Variants in RNLS observed in about 807,000 individuals in gnomAD.
RNLS encodes renalase, FAD dependent amine oxidase, also known as renalase.
In RNLS, 39 loss-of-function variants were observed where a neutral mutation model predicts 39.8. The observed-to-expected ratio is 0.98, with a 90% CI of 0.76 to 1.28. The LOEUF (loss-of-function observed/expected upper bound fraction) is 1.28, where lower values mean the gene tolerates loss of function less well. Ranked by LOEUF, RNLS falls within the 50% of genes most tolerant of loss-of-function variation. RNLS has a pLI of 0.00. For synonymous variants in RNLS, 147 were observed against 150.7 expected, an observed-to-expected ratio of 0.98 and a Z score of 0.18; for missense variants, 410 against 413.3, an observed-to-expected ratio of 0.99 and a Z score of 0.07.
chr10:88,471,756 G>T (rs1843541457), intron 4 of RNLS, among the ~76,000 whole-genome samples: 1 of 152,086 alleles, frequency 6.6e-6, no homozygotes. Flanking sequence ...AGGTTTTTGT[G>T]GTCCCCTCCC....
At chr10:88,565,262 T>C (rs1431990359) in intron 4 of RNLS, among the ~76,000 whole-genome samples, 5 of 152,168 alleles carry the variant, frequency 3.3e-5, no homozygotes, top group Non-Finnish European at 7.3e-5. Flanking sequence ...AACTACAATA[T>C]ATATTTCACA....
intron 4 of RNLS, among the ~76,000 whole-genome samples, chr10:88,446,288 C>A (rs1478909274): frequency 6.6e-6 from 1 of 152,032 alleles, no homozygotes. Context: ...CACAACATAC[C>A]AGAATCTCTG....
chr10:88,347,296 G>C (rs754155891), intron 5 of RNLS, among the ~76,000 whole-genome samples: 3 of 152,054 alleles, frequency 2.0e-5, no homozygotes, highest in Non-Finnish European at 4.4e-5. Context: ...CCACAGTAAG[G>C]ACTTAACTTC....
intron 4 of RNLS, among the ~76,000 whole-genome samples, chr10:88,463,577 T>C (rs977504068): frequency 8.6e-5 from 13 of 151,952 alleles, no homozygotes; most frequent in African/African-American, 2.9e-4. Flanking sequence ...TGAAGGATCA[T>C]GGAAATTTTA....
chr10:88,310,720 A>C (rs1845296057), intron 6 of RNLS, among the ~76,000 whole-genome samples: 1 of 145,856 alleles, frequency 6.9e-6, no homozygotes, highest in African/African-American at 2.5e-5. Flanking sequence ...TGAGCTCAGA[A>C]GTTTGAGGCA....
the RNLS span, among the ~76,000 whole-genome samples, chr10:88,184,904 G>T: frequency 6.6e-6 from 1 of 152,100 alleles, no homozygotes; most frequent in Non-Finnish European, 1.5e-5. Context: ...ATGCTCAGAG[G>T]CCGTGGAGAA....
chr10:88,380,147 A>G (rs778120330), intron 4 of RNLS, among the ~76,000 whole-genome samples: 9 of 152,060 alleles, frequency 5.9e-5, no homozygotes, highest in Non-Finnish European at 1.2e-4. Context: ...TTTCATGCTT[A>G]TTGATCATTT....
chr10:88,394,609 G>T (rs1364949810), intron 4 of RNLS, among the ~76,000 whole-genome samples: 2 of 152,160 alleles, frequency 1.3e-5, no homozygotes, highest in African/African-American at 4.8e-5. Flanking sequence ...CTGTAAACTA[G>T]TTCAACCATT....
At position 88,452,183 on chromosome 10, in the gene RNLS, GAGAC is replaced by G. The variant is rs1164837886; in HGVS notation, c.527-89462_527-89459del. Among the ~76,000 whole-genome samples, 16 of 152,294 alleles carry G rather than the reference GAGAC, an allele frequency of 1.1e-4. No homozygotes were observed. The East Asian group carries it at 3.1e-3, about 29-fold the overall frequency. On this transcript the variant is annotated intron_variant, in intron 4 of 6. Coordinates refer to ENST00000331772, the MANE Select transcript of RNLS (RefSeq NM_001031709.3). ...CACTGGTGAAGTAGAGAACTCTTTT[GAGAC>G]TCAGATTCTTTATCTGTAAAATGTG...
At chr10:88,326,786 C>T (rs907218897) in intron 5 of RNLS, among the ~76,000 whole-genome samples, 10 of 152,190 alleles carry the variant, frequency 6.6e-5, no homozygotes, top group Admixed American at 1.3e-4. Context: ...GCTGCAGACA[C>T]TCAATGCCAG....
intron 5 of RNLS, among the ~76,000 whole-genome samples, chr10:88,333,715 C>T (rs7914501): frequency 0.7 from 106,664 of 152,102 alleles, 38,459 homozygotes; most frequent in East Asian, 0.98. Context: ...CTCCCCAAAA[C>T]TCGTATGTGA....
chr10:88,284,735 T>G lies in RNLS; in HGVS notation c.*619A>C, dbSNP rs559897004. 6.1e-4 allele frequency: 597 copies of G among 985,400 alleles called. No homozygotes were observed. Among genetic ancestry groups the G allele is most frequent in the South Asian group, 8.5e-4 (18 of 21,286 alleles). The allele number at this position is 985,400 out of a possible 1,614,324, so 61.0% of individuals were successfully genotyped here. On this transcript the variant is annotated 3_prime_UTR_variant, in exon 7 of 7. Transcript: ENST00000331772. ...AAGTACTGTGTGGCTGGGAAAATCATGTGGAATCTTATACTTTCTGAAAAT... is the reference window on the plus strand; with the variant it reads ...AAGTACTGTGTGGCTGGGAAAATCAGGTGGAATCTTATACTTTCTGAAAAT...
the RNLS span, among the ~76,000 whole-genome samples, chr10:88,234,521 C>T: frequency 7.2e-5 from 11 of 152,156 alleles, no homozygotes; most frequent in South Asian, 2.1e-4. Context: ...TTTGTGGGTG[C>T]GCACAGCAGT....
At chr10:88,561,785 T>C (rs888622733) in intron 4 of RNLS, among the ~76,000 whole-genome samples, 2 of 152,106 alleles carry the variant, frequency 1.3e-5, no homozygotes, top group Non-Finnish European at 2.9e-5. Flanking sequence ...AGGAAATATA[T>C]GTAGTACTAT....
At chr10:88,540,504 T>C (rs1847981619) in intron 4 of RNLS, among the ~76,000 whole-genome samples, 1 of 152,112 alleles carries the variant, frequency 6.6e-6, no homozygotes, top group Non-Finnish European at 1.5e-5. Context: ...AAAGCAAATA[T>C]TTTCCCTTTG....
At chr10:88,259,660 A>C in the RNLS span, among the ~76,000 whole-genome samples, 1 of 152,204 alleles carries the variant, frequency 6.6e-6, no homozygotes, top group Non-Finnish European at 1.5e-5. Flanking sequence ...TAGAACATGC[A>C]AATTTTTTCC....
intron 4 of RNLS, among the ~76,000 whole-genome samples, chr10:88,490,659 T>G (rs781767261): frequency 4.5e-4 from 69 of 152,198 alleles, no homozygotes; most frequent in Non-Finnish European, 7.8e-4. Flanking sequence ...TCATTCATTT[T>G]CATGTGCAGC....
intron 4 of RNLS, among the ~76,000 whole-genome samples, chr10:88,553,748 T>C (rs1848712302): frequency 6.6e-6 from 1 of 152,196 alleles, no homozygotes; most frequent in South Asian, 2.1e-4. Flanking sequence ...AGAAGCCTGG[T>C]TCTTTAAATA....
chr10:88,563,402 A>C (rs150521142), intron 4 of RNLS, among the ~76,000 whole-genome samples: 369 of 152,318 alleles, frequency 2.4e-3, no homozygotes, highest in African/African-American at 8.3e-3. Context: ...AATGCCCATC[A>C]AACTGGTTTA....
Sources: gnomAD v4.1 joint callset for allele counts (sites outside exome capture counted in the v4.1 genomes callset) on GRCh38, gnomAD v4.1.1 for gene constraint, MANE v1.5 for transcripts, NCBI Gene and HGNC (gene_info 2026-07-23, HGNC 2026-07-21) for gene names.